Variants in DNAH8 observed in about 807,000 individuals in gnomAD.
The protein encoded by DNAH8 is dynein axonemal heavy chain 8, also known as axonemal beta dynein heavy chain 8.
In DNAH8, 382 loss-of-function variants were observed where a neutral mutation model predicts 562.1. That is an observed-to-expected ratio of 0.68 (90% CI 0.63 to 0.74). The LOEUF is 0.74. DNAH8 is among the 30% of genes least tolerant of loss of function. The pLI is 0.00. For synonymous variants in DNAH8, 1,881 were observed against 1,919.4 expected, an observed-to-expected ratio of 0.98 and a Z score of 0.52; for missense variants, 5,203 against 5,620.4, an observed-to-expected ratio of 0.93 and a Z score of 2.37.
At chr6:38,853,476 C>A in intron 41 of DNAH8, 129 bp downstream of exon 41, 1 of 1,012,396 alleles carries the variant, frequency 9.9e-7, no homozygotes, top group Non-Finnish European at 1.4e-6. Flanking sequence ...GGCCTACTCA[C>A]ACTCATTTTA....
chr6:39,030,591 GT>G lies in DNAH8; in HGVS notation c.*205del. ...TTCAAAAAGATAACTCTAAATGAAT[GT>G]TTTTTATTCTGGGAAATCATATTTC... On this transcript the variant is annotated 3_prime_UTR_variant, in exon 93 of 93. Coordinates refer to ENST00000327475, the MANE Select transcript of DNAH8 (RefSeq NM_001206927.2). The G allele has an allele frequency of 1.9e-6, 1 of 514,816 alleles. No homozygotes were observed. The highest frequency in any genetic ancestry group is 3.2e-5 in the East Asian group (1 of 31,296). The allele number at this position is 514,816 out of a possible 1,614,324, so 31.9% of individuals were successfully genotyped here.
chr6:38,854,935 T>C (rs1036502459), intron 41 of DNAH8, among the ~76,000 whole-genome samples: 1 of 148,790 alleles, frequency 6.7e-6, no homozygotes, highest in Admixed American at 6.8e-5. Context: ...ATATAATACA[T>C]ATTTTACAAA....
At chr6:38,798,206 G>A (rs1770462102) in intron 21 of DNAH8, among the ~76,000 whole-genome samples, 1 of 152,108 alleles carries the variant, frequency 6.6e-6, no homozygotes, top group Non-Finnish European at 1.5e-5. Context: ...AGAATATTAT[G>A]GAATTAGATA....
intron 60 of DNAH8, among the ~76,000 whole-genome samples, chr6:38,896,594 C>CAAAA (rs1779706085): frequency 6.7e-6 from 1 of 148,172 alleles, no homozygotes; most frequent in Admixed American, 6.8e-5. Context: ...AACAAACAAA[C>CAAAA]AAACAAACAA....
chr6:38,985,851 G>A (rs1764353391), intron 87 of DNAH8, among the ~76,000 whole-genome samples: 1 of 152,198 alleles, frequency 6.6e-6, no homozygotes. Context: ...CCTCCTGCTA[G>A]GGCAGTTCCT....
chr6:38,878,033 A>G (rs1778160629), intron 53 of DNAH8, among the ~76,000 whole-genome samples: 1 of 152,238 alleles, frequency 6.6e-6, no homozygotes, highest in African/African-American at 2.4e-5. Flanking sequence ...GGAGAGGCCA[A>G]GGTGGCTGGA....
chr6:38,974,376 C>T lies in DNAH8; in HGVS notation c.12681C>T (p.Thr4227=). 1.9e-6 allele frequency: 3 copies of T among 1,605,490 alleles called. No homozygotes were observed. The highest frequency in any genetic ancestry group is 2.2e-5 in the East Asian group (1 of 44,804). The part of the protein sequence containing the change: ...HDRFPITLLQ[T]SLKFTNEPPQ... ...GCACTGTTTTCTTTTCATGACAGAC[C>T]TCTCTCAAATTCACTAATGAGCCAC... Residue 4227 remains threonine, a splice_region_variant and synonymous_variant, in exon 85 of 93, where the codon ACC becomes ACT. Transcript: ENST00000327475.
chr6:38,800,258 T>G (rs895508964), intron 21 of DNAH8, among the ~76,000 whole-genome samples: 12 of 152,078 alleles, frequency 7.9e-5, no homozygotes, highest in African/African-American at 2.7e-4. Context: ...CTTGGGTATG[T>G]ATACCTAGGA....
In DNAH8 at chr6:38,951,431, G is replaced by A; in HGVS notation, c.12362G>A (p.Ser4121Asn). 1 of 1,614,124 alleles carries A rather than the reference G, an allele frequency of 6.2e-7. No homozygotes were observed. Reference protein sequence around the residue: ...ILNLEKTWEESDTRTPLICFL... With the variant: ...ILNLEKTWEENDTRTPLICFL... Reference sequence around the variant, plus strand: ...AATCTGGAGAAAACTTGGGAAGAAAGTGATACCCGGACACCTCTGATATGC... The same window carrying A: ...AATCTGGAGAAAACTTGGGAAGAAAATGATACCCGGACACCTCTGATATGC... The change falls in exon 82 of 93, where the codon AGT (serine) becomes AAT (asparagine). Residue 4121 changes from serine (S) to asparagine (N), a missense_variant. By Grantham distance (46) the Ser-to-Asn change is conservative. Around this residue, in one of 6 missense-constraint regions of DNAH8, gnomAD observed 1,399 missense variants for 1,518.4 expected, o/e 0.92. Coordinates refer to ENST00000327475, the MANE Select transcript of DNAH8 (RefSeq NM_001206927.2).
At chr6:39,028,674 T>C (rs1163745500) in intron 92 of DNAH8, among the ~76,000 whole-genome samples, 8 of 152,236 alleles carry the variant, frequency 5.3e-5, no homozygotes, top group Admixed American at 5.2e-4. Context: ...CTACCACACC[T>C]TCTCACTGAC....
At chr6:38,790,499 T>A in intron 20 of DNAH8, 94 bp downstream of exon 20, 2 of 626,674 alleles carry the variant, frequency 3.2e-6, no homozygotes, top group Non-Finnish European at 5.4e-6. Context: ...GGGTATGACT[T>A]TTAACTAAAA....
chr6:38,896,132 ACC>A lies in DNAH8; in HGVS notation c.8848_8849del (p.Pro2950IlefsTer8). The A allele has an allele frequency of 6.2e-7, 1 of 1,613,796 alleles. No homozygotes were observed. Among genetic ancestry groups the A allele is most frequent in the Admixed American group, 1.7e-5 (1 of 60,004 alleles). On this transcript the variant is annotated frameshift_variant, in exon 60 of 93. Coordinates refer to ENST00000327475, the MANE Select transcript of DNAH8 (RefSeq NM_001206927.2). LOFTEE classifies it high-confidence loss of function. ...SDAASCILPEPYFVDFLREMP... is the reference protein window; with the variant it reads ...SDAASCILPEXYFVDFLREMP... Reference sequence around the variant, plus strand: ...ATGCAGCGTCGTGTATTCTTCCTGAACCATACTTTGTGGATTTTCTTCGTGAG... The same window carrying A: ...ATGCAGCGTCGTGTATTCTTCCTGAAATACTTTGTGGATTTTCTTCGTGAG...
At chr6:38,895,988 G>T in intron 59 of DNAH8, 45 bp from the exon 60 acceptor site, 1 of 1,531,112 alleles carries the variant, frequency 6.5e-7, no homozygotes, top group Non-Finnish European at 9.0e-7. Flanking sequence ...AGTTAGAAAA[G>T]ATGCTTTCAT....
intron 28 of DNAH8, 110 bp downstream of exon 28, chr6:38,823,798 TATA>T (rs149539806): frequency 6.2e-4 from 317 of 513,816 alleles, no homozygotes; most frequent in Non-Finnish European, 7.1e-4. Context: ...TATACCAAGA[TATA>T]ATAATAATAA....
chr6:38,734,578 G>C lies in DNAH8; in HGVS notation c.715G>C (p.Val239Leu), dbSNP rs769396908. ...DKLKGLCIFF[V>L]RCRNDVAINV... Reference sequence around the variant, plus strand: ...ACTAAAAGGACTGTGCATATTTTTTGTTCGTTGCCGTAATGATGTTGCTAT... The same window carrying C: ...ACTAAAAGGACTGTGCATATTTTTTCTTCGTTGCCGTAATGATGTTGCTAT... The change falls in exon 5 of 93, where the codon GTT becomes CTT. Residue 239 changes from valine to leucine, a missense_variant. Physicochemically the swap from Val to Leu is conservative, Grantham distance 32. Coordinates refer to ENST00000327475, the MANE Select transcript of DNAH8 (RefSeq NM_001206927.2). 1.5e-5 allele frequency: 24 copies of C among 1,613,496 alleles called. No individual in the cohort carries two copies. The highest frequency in any genetic ancestry group is 1.9e-5 in the Non-Finnish European group (23 of 1,179,906).
intron 3 of DNAH8, 73 bp from the exon 4 acceptor site, chr6:38,729,829 A>G (rs1763528043): frequency 1.3e-6 from 1 of 794,610 alleles, no homozygotes; most frequent in South Asian, 1.7e-5. Context: ...TTTGAGCTTC[A>G]TCTTCTTCAT....
At chr6:38,912,965 A>G (rs1006205823) in intron 66 of DNAH8, among the ~76,000 whole-genome samples, 2 of 152,142 alleles carry the variant, frequency 1.3e-5, no homozygotes, top group African/African-American at 4.8e-5. Context: ...ATGCGCCACC[A>G]TGCCCAGCTT....
intron 41 of DNAH8, among the ~76,000 whole-genome samples, chr6:38,856,194 T>C (rs1222252143): frequency 6.6e-6 from 1 of 152,212 alleles, no homozygotes; most frequent in African/African-American, 2.4e-5. Flanking sequence ...TCCATGTATG[T>C]GTGAGAACAT....
At chr6:38,717,388 A>G (rs942486986) in intron 1 of DNAH8, among the ~76,000 whole-genome samples, 15 of 152,092 alleles carry the variant, frequency 9.9e-5, no homozygotes, top group Non-Finnish European at 1.5e-4. Context: ...CAGTGGCGCC[A>G]TCTTGGCTCA....
Sources: gnomAD v4.1 joint callset for allele counts (sites outside exome capture counted in the v4.1 genomes callset) on GRCh38, gnomAD v4.1.1 for gene constraint, gnomAD v4.1.1 regional missense constraint, MANE v1.5 for transcripts, NCBI Gene and HGNC (gene_info 2026-07-23, HGNC 2026-07-21) for gene names.